Variants in AMOT observed in about 807,000 individuals in gnomAD.
AMOT encodes the protein angiomotin.
Under a neutral mutation model 67.0 loss-of-function variants are expected in AMOT, and 11 were observed. The ratio of observed to expected loss-of-function variants is 0.16; its 90% CI spans 0.10 to 0.27. The LOEUF is 0.27. AMOT is among the 10% of genes least tolerant of loss of function. AMOT has a pLI of 1.00. For missense variants in AMOT, 753 were observed against 852.0 expected (o/e 0.88, Z 1.45); for synonymous variants, 326 against 321.4 (o/e 1.01, Z -0.15).
chrX:112,824,045 AC>A (rs1934780032), intron 3 of AMOT, among the ~76,000 whole-genome samples: 1 of 112,297 alleles, frequency 8.9e-6, no homozygotes, highest in Admixed American at 9.4e-5. Flanking sequence ...ATTCTTCTGA[AC>A]AGGTACTATG....
intron 9 of AMOT, 61 bp downstream of exon 9, chrX:112,791,771 A>C: frequency 1.7e-6 from 2 of 1,165,851 alleles, no homozygotes; most frequent in Non-Finnish European, 2.3e-6. Flanking sequence ...AAAAATAAGC[A>C]ACCAGGAATA....
At chrX:112,791,506 A>G (rs992270825) in intron 9 of AMOT, among the ~76,000 whole-genome samples, 2 of 112,375 alleles carry the variant, frequency 1.8e-5, no homozygotes, top group African/African-American at 6.5e-5. Context: ...ATTTCTGAAG[A>G]CCATTTCTAG....
At position 112,833,478 on chromosome X, in the gene AMOT, A is replaced by AGG. The variant is rs34937321; in HGVS notation, c.-288-1110_-288-1109dup. Among the ~76,000 whole-genome samples, 77 of 66,904 alleles carry AGG rather than the reference A, an allele frequency of 1.2e-3. 1 individual carries two copies. The highest frequency in any genetic ancestry group is 3.6e-3 in the African/African-American group (66 of 18,109). The allele number at this position is 66,904 out of a possible 115,157, so 58.1% of individuals were successfully genotyped here. Reference sequence around the variant, plus strand: ...GCAGACAGAATGTTCCTGGGAGTAAAGGGGGGGGGGGGGTCATCAAAATTT... The same window carrying AGG: ...GCAGACAGAATGTTCCTGGGAGTAAAGGGGGGGGGGGGGGGTCATCAAAATTT... On this transcript the variant is annotated intron_variant, in intron 1 of 13. Transcript: ENST00000371959.
At chrX:112,834,953 G>T (rs1486203370) in intron 1 of AMOT, among the ~76,000 whole-genome samples, 2 of 112,084 alleles carry the variant, frequency 1.8e-5, no homozygotes, top group Non-Finnish European at 3.8e-5. Flanking sequence ...AGCCGAGAGG[G>T]CCAATAATAC....
At chrX:112,787,483 T>A (rs1477492569) in intron 10 of AMOT, among the ~76,000 whole-genome samples, 1 of 111,464 alleles carries the variant, frequency 9.0e-6, no homozygotes, top group African/African-American at 3.3e-5. Flanking sequence ...TATGACAAAA[T>A]AACAGATTAG....
chrX:112,792,070 G>A, intron 8 of AMOT, 89 bp from the exon 9 acceptor site: 2 of 1,055,088 alleles, frequency 1.9e-6, no homozygotes, highest in East Asian at 3.1e-5. Context: ...CCAGCCTTGT[G>A]TTTAGATCTC....
chrX:112,839,500 C>T (rs899012517), intron 1 of AMOT, among the ~76,000 whole-genome samples: 2 of 111,824 alleles, frequency 1.8e-5, no homozygotes, highest in African/African-American at 6.5e-5. Flanking sequence ...AACGTCCACT[C>T]TTCATGGCGG....
chrX:112,830,750 C>T (rs1320302441), intron 2 of AMOT, among the ~76,000 whole-genome samples: 1 of 111,776 alleles, frequency 8.9e-6, no homozygotes, highest in Non-Finnish European at 1.9e-5. Context: ...CCCCAAATTG[C>T]CACCCAGCCA....
intron 5 of AMOT, 82 bp downstream of exon 5, chrX:112,815,263 GCTGGGATTCACAA>G: frequency 2.9e-6 from 3 of 1,047,675 alleles, no homozygotes; most frequent in Non-Finnish European, 3.8e-6. Flanking sequence ...CACAAGTAAT[GCTGGGATTCACAA>G]CTGGAGACTT....
intron 1 of AMOT, among the ~76,000 whole-genome samples, chrX:112,838,281 C>G (rs1935180006): frequency 8.9e-6 from 1 of 111,754 alleles, no homozygotes; most frequent in East Asian, 2.8e-4. Flanking sequence ...TGAGAAACCC[C>G]TCTTGTCTCC....
intron 10 of AMOT, among the ~76,000 whole-genome samples, chrX:112,790,257 G>A (rs1453972987): frequency 1.8e-5 from 2 of 108,662 alleles, no homozygotes; most frequent in African/African-American, 6.7e-5. Context: ...CTCCGGTCCT[G>A]GGGCTAAACA....
chrX:112,835,335 G>T (rs943662974), intron 1 of AMOT, among the ~76,000 whole-genome samples: 1 of 110,968 alleles, frequency 9.0e-6, no homozygotes, highest in Non-Finnish European at 1.9e-5. Flanking sequence ...GAGTGAAAGT[G>T]CCTTTACAAA....
At chrX:112,816,284 G>A (rs151199974) in intron 4 of AMOT, among the ~76,000 whole-genome samples, 1,496 of 111,218 alleles carry the variant, frequency 0.013, 19 homozygotes, top group African/African-American at 0.047. Flanking sequence ...ACGTGGTCCA[G>A]CACACATAAA....
At chrX:112,795,248 C>CTGTGTGTG (rs575390682) in intron 8 of AMOT, among the ~76,000 whole-genome samples, 4,842 of 104,131 alleles carry the variant, frequency 0.046, 90 homozygotes, top group Middle Eastern at 0.083. Flanking sequence ...GTCTCTCTCT[C>CTGTGTGTG]TGTGTGTGTG....
rs1932938006 is a variant in AMOT, at chrX:112,776,297, G to A, written c.*2270C>T. The stretch of plus-strand genomic sequence containing the variant: ...CTGCCAATGTGTTATAACCATGAAA[G>A]GAGTAGGTGAAAAGTGTTTTTTAAA... On this transcript the variant is annotated 3_prime_UTR_variant, in exon 14 of 14. Transcript: ENST00000371959. 1 of 112,462 alleles carries A rather than the reference G, an allele frequency of 8.9e-6. No individual in the cohort carries two copies. 9.3% of individuals were successfully genotyped at this position (112,462 alleles called of 1,213,427 possible). A position where few individuals can be genotyped will look rare whatever the true frequency, so the allele number is the denominator to read the frequency against.
intron 1 of AMOT, among the ~76,000 whole-genome samples, chrX:112,833,364 G>A (rs1017878400): frequency 3.7e-5 from 4 of 109,393 alleles, no homozygotes; most frequent in Non-Finnish European, 7.6e-5. Context: ...GGCTTCCAAG[G>A]GAGAACCACT....
intron 3 of AMOT, among the ~76,000 whole-genome samples, chrX:112,824,109 T>A (rs1476753209): frequency 8.9e-6 from 1 of 112,141 alleles, no homozygotes; most frequent in Non-Finnish European, 1.9e-5. Flanking sequence ...ATTCTAATCA[T>A]ACTATTGGTT....
intron 4 of AMOT, among the ~76,000 whole-genome samples, chrX:112,816,405 CA>C (rs201771720): frequency 1.5e-3 from 160 of 105,551 alleles, no homozygotes; most frequent in African/African-American, 5.4e-3. Context: ...CATACATTCA[CA>C]AAAAAAAAGA....
In AMOT at chrX:112,781,137, G is replaced by A; in HGVS notation, c.2241-19C>T. 8.4e-7 allele frequency: 1 copy of A among 1,195,003 alleles called. No homozygotes were observed. The highest frequency in any genetic ancestry group is 1.1e-6 in the Non-Finnish European group (1 of 881,030). ...CTTAATCCTAGGAGCCAAAGGCAAA[G>A]AACATATAAAGACCTTGTTGTGGGC... On this transcript the variant is annotated intron_variant, in intron 11 of 13. Coordinates refer to ENST00000371959, the MANE Select transcript of AMOT (RefSeq NM_001113490.2).
Sources: allele counts gnomAD v4.1 joint callset (sites outside exome capture counted in the v4.1 genomes callset), GRCh38; gene constraint gnomAD v4.1.1; transcripts MANE v1.5; gene names NCBI Gene and HGNC (gene_info 2026-07-23, HGNC 2026-07-21).